SLC35F3: variants seen among roughly 807,000 people sequenced by gnomAD.
SLC35F3 encodes putative thiamine transporter SLC35F3.
Under a neutral mutation model 49.9 loss-of-function variants are expected in SLC35F3, and 25 were observed. The observed-to-expected ratio is 0.50, with a 90% CI of 0.37 to 0.70. The LOEUF is 0.70. Among genes scored for constraint, SLC35F3 ranks in the 30% least tolerant of loss-of-function variants. The pLI is 0.00. For synonymous variants in SLC35F3, 275 were observed against 265.4 expected (o/e 1.04, Z -0.35); for missense variants, 525 against 639.8 (o/e 0.82, Z 1.94).
intron 2 of SLC35F3, among the ~76,000 whole-genome samples, chr1:234,036,198 G>T (rs999688674): frequency 6.6e-6 from 1 of 152,130 alleles, no homozygotes; most frequent in Non-Finnish European, 1.5e-5. Context: ...AAGTAGCTGG[G>T]ACTACAGGTG....
chr1:234,156,457 A>G (rs1211544976), intron 2 of SLC35F3, among the ~76,000 whole-genome samples: 1 of 152,220 alleles, frequency 6.6e-6, no homozygotes, highest in Non-Finnish European at 1.5e-5. Flanking sequence ...GGATTAAAAG[A>G]CAGATAATGT....
chr1:233,993,730 T>C (rs954389982), intron 2 of SLC35F3, among the ~76,000 whole-genome samples: 1 of 152,112 alleles, frequency 6.6e-6, no homozygotes, highest in African/African-American at 2.4e-5. Flanking sequence ...ACACCTGACC[T>C]CCTGAAATCT....
intron 3 of SLC35F3, among the ~76,000 whole-genome samples, chr1:234,256,504 C>T (rs1667823600): frequency 6.6e-6 from 1 of 152,214 alleles, no homozygotes; most frequent in African/African-American, 2.4e-5. Context: ...TTTCAAAAGA[C>T]TTCATCAGTG....
intron 3 of SLC35F3, among the ~76,000 whole-genome samples, chr1:234,265,508 C>A (rs1381476553): frequency 1.3e-5 from 2 of 151,942 alleles, no homozygotes; most frequent in Non-Finnish European, 2.9e-5. Context: ...TTCCCTCATG[C>A]CCCTAGCCAA....
At chr1:234,143,551 C>T (rs770940113) in intron 2 of SLC35F3, among the ~76,000 whole-genome samples, 3 of 152,064 alleles carry the variant, frequency 2.0e-5, no homozygotes, top group Non-Finnish European at 2.9e-5. Flanking sequence ...GGCCATCCCT[C>T]GGACTGCTGG....
chr1:234,073,790 C>T (rs1020117911), intron 2 of SLC35F3, among the ~76,000 whole-genome samples: 2 of 152,098 alleles, frequency 1.3e-5, no homozygotes, highest in Non-Finnish European at 2.9e-5. Flanking sequence ...TTCCCATTTG[C>T]TTGTGGGTGT....
intron 2 of SLC35F3, among the ~76,000 whole-genome samples, chr1:234,186,495 G>A (rs1160223504): frequency 2.0e-5 from 3 of 151,910 alleles, no homozygotes; most frequent in South Asian, 2.1e-4. Context: ...TCCTAGCCCT[G>A]ATCTCTCCTC....
At chr1:234,119,883 C>A (rs1665547395) in intron 2 of SLC35F3, among the ~76,000 whole-genome samples, 1 of 152,208 alleles carries the variant, frequency 6.6e-6, no homozygotes, top group Non-Finnish European at 1.5e-5. Flanking sequence ...AATTTACAGC[C>A]TCTAACACTT....
chr1:234,307,119 AG>A lies in SLC35F3; in HGVS notation c.609-1978del, dbSNP rs1657218259. Among the ~76,000 whole-genome samples, 3 of 152,362 alleles carry A rather than the reference AG, an allele frequency of 2.0e-5. No individual in the cohort carries two copies. The South Asian group carries it at 6.2e-4, about 32-fold the overall frequency. ...TGGGGGAACAGACTGTTCTGCAAAC[AG>A]GGGCTTGGGAAAACCCCATAGAAAA... On this transcript the variant is annotated intron_variant, in intron 3 of 7. Transcript: ENST00000366618.
chr1:234,154,952 A>C (rs1447522490), intron 2 of SLC35F3, among the ~76,000 whole-genome samples: 1 of 145,678 alleles, frequency 6.9e-6, no homozygotes, highest in Non-Finnish European at 1.5e-5. Flanking sequence ...AGATACCAAA[A>C]TTCCAGGATG....
At chr1:234,305,155 C>T (rs1657123933) in intron 3 of SLC35F3, among the ~76,000 whole-genome samples, 1 of 152,154 alleles carries the variant, frequency 6.6e-6, no homozygotes, top group Non-Finnish European at 1.5e-5. Flanking sequence ...CCATCCTCAT[C>T]CCTAAATGTG....
intron 2 of SLC35F3, among the ~76,000 whole-genome samples, chr1:233,948,888 A>G (rs986795349): frequency 2.0e-5 from 3 of 152,068 alleles, no homozygotes; most frequent in African/African-American, 7.2e-5. Context: ...AACAATTCAA[A>G]CAAGCCTGGC....
intron 2 of SLC35F3, among the ~76,000 whole-genome samples, chr1:233,997,472 G>C (rs537547127): frequency 5.8e-4 from 88 of 152,222 alleles, no homozygotes; most frequent in African/African-American, 2.0e-3. Flanking sequence ...TTGTGGTTTT[G>C]ATTTGCATTT....
chr1:234,255,977 G>A (rs1250235451), intron 3 of SLC35F3, among the ~76,000 whole-genome samples: 1 of 152,106 alleles, frequency 6.6e-6, no homozygotes, highest in Non-Finnish European at 1.5e-5. Flanking sequence ...AAAAAATCAT[G>A]ACTGGTTCAT....
In SLC35F3 at chr1:233,928,830, G is replaced by C. The variant is rs72753706; in HGVS notation, c.283+23072G>C. The stretch of plus-strand genomic sequence containing the variant: ...GGGTGGTAAGTAGTATCAGCGAGCT[G>C]TTACTGTGTAATGCTTCCTGGCAAC... On this transcript the variant is annotated intron_variant, in intron 2 of 7. Transcript: ENST00000366618. Among the ~76,000 whole-genome samples, 1,379 of 152,190 alleles carry C rather than the reference G, an allele frequency of 9.1e-3. 12 individuals carry two copies. Among genetic ancestry groups the C allele is most frequent in the East Asian group, 0.025 (127 of 5,180 alleles).
intron 2 of SLC35F3, among the ~76,000 whole-genome samples, chr1:234,129,193 T>C (rs981433968): frequency 6.6e-6 from 1 of 152,162 alleles, no homozygotes; most frequent in Non-Finnish European, 1.5e-5. Flanking sequence ...AAATAGGCAC[T>C]TTACAATAGA....
chr1:233,972,330 A>G (rs1481114287), intron 2 of SLC35F3, among the ~76,000 whole-genome samples: 1 of 152,216 alleles, frequency 6.6e-6, no homozygotes, highest in African/African-American at 2.4e-5. Flanking sequence ...CATATTTTAC[A>G]TGATGGCTGA....
chr1:233,941,956 T>TTG (rs1160141027), intron 2 of SLC35F3, among the ~76,000 whole-genome samples: 1 of 115,282 alleles, frequency 8.7e-6, no homozygotes, highest in Non-Finnish European at 1.7e-5. Context: ...TGTTTTTTGT[T>TTG]TTTTTGTTTT....
At chr1:234,091,366 AT>A (rs1341368859) in intron 2 of SLC35F3, among the ~76,000 whole-genome samples, 3 of 152,158 alleles carry the variant, frequency 2.0e-5, no homozygotes, top group Non-Finnish European at 2.9e-5. Context: ...TTCTCCTAAA[AT>A]TTCTTCAAGT....
Sources: allele counts gnomAD v4.1 joint callset (sites outside exome capture counted in the v4.1 genomes callset), GRCh38; gene constraint gnomAD v4.1.1; transcripts MANE v1.5; gene names NCBI Gene and HGNC (gene_info 2026-07-23, HGNC 2026-07-21).